Variants in C12orf42 observed in about 807,000 individuals in gnomAD.
C12orf42 encodes the protein uncharacterized protein C12orf42.
C12orf42 carries 25 observed loss-of-function variants against 21.6 expected under a neutral mutation model. The ratio of observed to expected loss-of-function variants is 1.16; its 90% CI spans 0.84 to 1.62. C12orf42 has a LOEUF of 1.62. Among genes scored for constraint, C12orf42 ranks in the 40% most tolerant of loss-of-function variants. The pLI, the probability that C12orf42 is intolerant of heterozygous loss-of-function variation, is 0.00. For missense variants in C12orf42, 483 were observed against 459.3 expected (o/e 1.05, Z -0.47); for synonymous variants, 174 against 175.0 (o/e 0.99, Z 0.05).
At chr12:103,335,508 A>C (rs1593484200) in intron 4 of C12orf42, among the ~76,000 whole-genome samples, 1 of 152,174 alleles carries the variant, frequency 6.6e-6, no homozygotes, top group African/African-American at 2.4e-5. Flanking sequence ...AAAAATACCT[A>C]AGTTTGCATC....
chr12:103,288,103 G>A (rs536860060), intron 4 of C12orf42, among the ~76,000 whole-genome samples: 1 of 152,260 alleles, frequency 6.6e-6, no homozygotes, highest in South Asian at 2.1e-4. Flanking sequence ...AGATAATGAG[G>A]AAGTTTTCAA....
intron 2 of C12orf42, among the ~76,000 whole-genome samples, chr12:103,429,568 C>T (rs910165504): frequency 2.0e-5 from 3 of 152,160 alleles, no homozygotes; most frequent in African/African-American, 7.2e-5. Context: ...AGATTTAATG[C>T]TATCCCCATC....
chr12:103,321,117 T>A (rs2040052818), intron 4 of C12orf42, among the ~76,000 whole-genome samples: 1 of 152,144 alleles, frequency 6.6e-6, no homozygotes, highest in Non-Finnish European at 1.5e-5. Context: ...CCTACTCATC[T>A]GACAAAGGAC....
the C12orf42 span, among the ~76,000 whole-genome samples, chr12:103,503,041 TAGAAAC>T: frequency 1.3e-5 from 2 of 152,194 alleles, no homozygotes; most frequent in African/African-American, 4.8e-5. Context: ...GAGAATCTGT[TAGAAAC>T]AGAGCCAAAA....
chr12:103,327,068 T>C (rs2040779518), intron 4 of C12orf42, among the ~76,000 whole-genome samples: 1 of 152,168 alleles, frequency 6.6e-6, no homozygotes, highest in Non-Finnish European at 1.5e-5. Context: ...TAAGAAATAG[T>C]TACATTCCTG....
intron 1 of C12orf42, among the ~76,000 whole-genome samples, chr12:103,494,942 G>T (rs1261059047): frequency 1.3e-5 from 2 of 152,074 alleles, no homozygotes; most frequent in African/African-American, 4.8e-5. Context: ...TTCCAGAAAG[G>T]AAGACCAAAA....
chr12:103,267,456 G>A (rs1035067363), downstream of C12orf42, among the ~76,000 whole-genome samples: 1 of 152,010 alleles, frequency 6.6e-6, no homozygotes, highest in Admixed American at 6.6e-5. Flanking sequence ...ATATACATAT[G>A]TAATATGTAT....
chr12:103,189,694 C>A, the C12orf42 span, among the ~76,000 whole-genome samples: 53 of 152,144 alleles, frequency 3.5e-4, no homozygotes, highest in Non-Finnish European at 6.3e-4. Context: ...CATGCCTGCA[C>A]CCACAAACCC....
At chr12:103,297,336 A>C (rs1201796285), downstream of C12orf42, among the ~76,000 whole-genome samples, 1 of 152,102 alleles carries the variant, frequency 6.6e-6, no homozygotes. Flanking sequence ...TTGACTTGGC[A>C]ATGCGGGCTC....
At chr12:103,140,504 G>A in the C12orf42 span, among the ~76,000 whole-genome samples, 1 of 152,108 alleles carries the variant, frequency 6.6e-6, no homozygotes, top group African/African-American at 2.4e-5. Context: ...CTATTTTCCT[G>A]AGCCAAGCTG....
downstream of C12orf42, among the ~76,000 whole-genome samples, chr12:103,237,434 G>A (rs1465661118): frequency 2.6e-5 from 4 of 152,152 alleles, no homozygotes; most frequent in Non-Finnish European, 5.9e-5. Context: ...CCTTGGGCAA[G>A]TTTACTAGCT....
At chr12:103,489,097 G>A (rs961318491) in intron 1 of C12orf42, among the ~76,000 whole-genome samples, 2 of 152,210 alleles carry the variant, frequency 1.3e-5, no homozygotes, top group African/African-American at 2.4e-5. Flanking sequence ...GCTACCTTTT[G>A]TCTTTGATGT....
chr12:103,401,943 ACT>A (rs1320848296), intron 2 of C12orf42, among the ~76,000 whole-genome samples: 4 of 152,190 alleles, frequency 2.6e-5, no homozygotes, highest in Non-Finnish European at 5.9e-5. Flanking sequence ...TAAAATTTTA[ACT>A]CTGATACATG....
chr12:103,102,572 A>G, the C12orf42 span, among the ~76,000 whole-genome samples: 1 of 152,204 alleles, frequency 6.6e-6, no homozygotes, highest in Non-Finnish European at 1.5e-5. Context: ...GAATATGGGT[A>G]CAGACAGAAA....
chr12:103,489,505 T>G (rs1955051724), intron 1 of C12orf42, among the ~76,000 whole-genome samples: 2 of 152,250 alleles, frequency 1.3e-5, no homozygotes, highest in Admixed American at 1.3e-4. Flanking sequence ...CAGGGATGTT[T>G]AAGTCTGCAG....
Position 103,284,397 on chromosome 12 carries a change from A to G in C12orf42, n.338-7187T>C, listed in dbSNP as rs550030564. On this transcript the variant is annotated intron_variant and non_coding_transcript_variant, in intron 4 of 6. Coordinates refer to the C12orf42 transcript ENST00000546526. Reference sequence around the variant, plus strand: ...ATTCGATAATCATTCCACCAACCTTATAGAGCTCTATTTGTCACTTGGAGA... The same window carrying G: ...ATTCGATAATCATTCCACCAACCTTGTAGAGCTCTATTTGTCACTTGGAGA... Among the ~76,000 whole-genome samples the G allele has an allele frequency of 3.9e-5, 6 of 152,314 alleles. No individual in the cohort carries two copies. The South Asian group carries it at 1.2e-3, about 32-fold the overall frequency.
At chr12:103,051,149 C>A in the C12orf42 span, among the ~76,000 whole-genome samples, 1 of 152,130 alleles carries the variant, frequency 6.6e-6, no homozygotes, top group Non-Finnish European at 1.5e-5. Flanking sequence ...AAAATCCCAG[C>A]AAATTTATGC....
the C12orf42 span, among the ~76,000 whole-genome samples, chr12:103,514,028 T>C: frequency 6.6e-6 from 1 of 152,158 alleles, no homozygotes; most frequent in Non-Finnish European, 1.5e-5. Flanking sequence ...TGACTCATAG[T>C]TCAGCTTAGC....
the C12orf42 span, among the ~76,000 whole-genome samples, chr12:103,208,817 A>G: frequency 6.6e-6 from 1 of 152,126 alleles, no homozygotes; most frequent in Non-Finnish European, 1.5e-5. Flanking sequence ...AGCAGGTGCA[A>G]TGCTAAATTC....
Sources: allele counts gnomAD v4.1 joint callset (sites outside exome capture counted in the v4.1 genomes callset), GRCh38; gene constraint gnomAD v4.1.1; transcripts MANE v1.5; gene names NCBI Gene and HGNC (gene_info 2026-07-23, HGNC 2026-07-21).